The following CDKAL1 variants were observed in gnomAD, a reference collection of about 807,000 sequenced individuals.
The protein encoded by CDKAL1 is CDKAL1 threonylcarbamoyladenosine tRNA methylthiotransferase.
CDKAL1 carries 32 observed loss-of-function variants against 68.2 expected under a neutral mutation model. The ratio of observed to expected loss-of-function variants is 0.47; its 90% CI spans 0.35 to 0.63. The LOEUF is 0.63. Among genes scored for constraint, CDKAL1 ranks in the 30% least tolerant of loss-of-function variants. The probability of loss-of-function intolerance (pLI) is 0.00; values close to 1 mark genes in which losing one functional copy is unlikely to be tolerated. For missense variants in CDKAL1, 606 were observed against 696.7 expected (o/e 0.87, Z 1.47); for synonymous variants, 234 against 244.3 (o/e 0.96, Z 0.39).
intron 11 of CDKAL1, among the ~76,000 whole-genome samples, chr6:21,062,623 A>T (rs1441116858): frequency 6.6e-6 from 1 of 152,168 alleles, no homozygotes; most frequent in Non-Finnish European, 1.5e-5. Flanking sequence ...AGTCCTTGGA[A>T]TTTATCTTAC....
intron 15 of CDKAL1, among the ~76,000 whole-genome samples, chr6:21,206,359 C>G (rs535187909): frequency 6.6e-6 from 1 of 152,112 alleles, no homozygotes; most frequent in Non-Finnish European, 1.5e-5. Flanking sequence ...AGATCTGTCT[C>G]TCTTAGGAAT....
intron 12 of CDKAL1, among the ~76,000 whole-genome samples, chr6:21,090,421 C>T (rs1772937704): frequency 6.6e-6 from 1 of 152,186 alleles, no homozygotes; most frequent in South Asian, 2.1e-4. Context: ...ACCTAGCATA[C>T]ACAGTTTCTT....
At chr6:21,096,702 AT>A (rs759589442) in intron 12 of CDKAL1, among the ~76,000 whole-genome samples, 61 of 152,138 alleles carry the variant, frequency 4.0e-4, no homozygotes, top group Middle Eastern at 3.4e-3. Context: ...ATGGTAAAAA[AT>A]AAATAAATAA....
chr6:20,823,494 C>A (rs542195400), intron 8 of CDKAL1, among the ~76,000 whole-genome samples: 4 of 152,122 alleles, frequency 2.6e-5, no homozygotes, highest in Non-Finnish European at 4.4e-5. Context: ...TAGAAAACTG[C>A]CTTTCCTGTT....
intron 9 of CDKAL1, among the ~76,000 whole-genome samples, chr6:20,922,667 C>T (rs1763010936): frequency 6.6e-6 from 1 of 152,152 alleles, no homozygotes; most frequent in Non-Finnish European, 1.5e-5. Flanking sequence ...CCCAAAACAA[C>T]AATCTTCAGT....
At chr6:20,688,374 C>T (rs1230090982) in intron 5 of CDKAL1, among the ~76,000 whole-genome samples, 1 of 151,892 alleles carries the variant, frequency 6.6e-6, no homozygotes. Context: ...GTATGTTACA[C>T]CTTTTGTAAT....
intron 5 of CDKAL1, among the ~76,000 whole-genome samples, chr6:20,652,492 ATCT>A (rs1768819148): frequency 1.3e-5 from 2 of 152,084 alleles, no homozygotes; most frequent in South Asian, 4.2e-4. Flanking sequence ...ATCTCCATGG[ATCT>A]TCTTAGAAAC....
At chr6:20,964,657 G>A (rs755510790) in intron 10 of CDKAL1, among the ~76,000 whole-genome samples, 15 of 152,260 alleles carry the variant, frequency 9.9e-5, no homozygotes, top group South Asian at 2.1e-4. Flanking sequence ...CTGGGGCCAT[G>A]TGGGGTGGGA....
intron 8 of CDKAL1, among the ~76,000 whole-genome samples, chr6:20,844,464 A>G (rs1222697652): frequency 1.3e-5 from 2 of 152,114 alleles, no homozygotes; most frequent in Non-Finnish European, 2.9e-5. Flanking sequence ...GGCCTTGAGC[A>G]GGCTACTTAT....
In CDKAL1 at chr6:21,004,624, A is replaced by T. The variant is rs552827998; in HGVS notation, c.1055+4252A>T. 4.5e-4 allele frequency among the ~76,000 whole-genome samples: 68 copies of T among 152,276 alleles called. No individual in the cohort carries two copies. The Middle Eastern group carries it at 0.01, about 23-fold the overall frequency. ...AAATGGGATTTGTAGGGATAGGGGA[A>T]GAAACTATATAGAACAAAGCAAGCG... On this transcript the variant is annotated intron_variant, in intron 11 of 15. Coordinates refer to ENST00000274695, the MANE Select transcript of CDKAL1 (RefSeq NM_017774.3).
chr6:20,714,378 C>CT (rs545162371), intron 5 of CDKAL1, among the ~76,000 whole-genome samples: 1,382 of 72,674 alleles, frequency 0.019, 350 homozygotes, highest in Middle Eastern at 0.033. Context: ...ATTGTCTGTT[C>CT]TTTTTTTTTT....
At position 21,079,976 on chromosome 6, in the gene CDKAL1, C is replaced by CTGTG. The variant is rs764266426; in HGVS notation, c.1236+14778_1236+14781dup. On this transcript the variant is annotated intron_variant, in intron 12 of 15. Transcript: ENST00000274695. Reference sequence around the variant, plus strand: ...TAAGATAAGCTTATCAACTTTGTCTCTGTGTGTGTGTGTGTGTGTGTGTGT... The same window carrying CTGTG: ...TAAGATAAGCTTATCAACTTTGTCTCTGTGTGTGTGTGTGTGTGTGTGTGTGTGT... Among the ~76,000 whole-genome samples the CTGTG allele has an allele frequency of 4.2e-3, 567 of 135,836 alleles. 2 individuals carry two copies. Among genetic ancestry groups the CTGTG allele is most frequent in the African/African-American group, 7.2e-3 (261 of 36,072 alleles). The allele number at this position is 135,836 out of a possible 152,430, so 89.1% of individuals were successfully genotyped here. A position where few individuals can be genotyped will look rare whatever the true frequency, so the allele number is the denominator to read the frequency against.
chr6:21,134,414 C>T (rs564477541), intron 13 of CDKAL1, among the ~76,000 whole-genome samples: 3 of 152,274 alleles, frequency 2.0e-5, no homozygotes, highest in Admixed American at 6.5e-5. Flanking sequence ...AAAACCATAA[C>T]TTCATAAAAC....
At chr6:20,733,236 C>T (rs1384448926) in intron 5 of CDKAL1, among the ~76,000 whole-genome samples, 1 of 152,244 alleles carries the variant, frequency 6.6e-6, no homozygotes, top group Non-Finnish European at 1.5e-5. Context: ...GCCATCTCCA[C>T]ATCTCTGTTC....
chr6:21,186,336 G>T lies in CDKAL1; in HGVS notation c.1300-11685G>T, dbSNP rs1460519222. Among the ~76,000 whole-genome samples the T allele has an allele frequency of 2.6e-5, 4 of 152,026 alleles. No individual in the cohort carries two copies. In the East Asian group the frequency reaches 7.7e-4, roughly 29 times the overall value. On this transcript the variant is annotated intron_variant, in intron 13 of 15. Transcript: ENST00000274695. ...GCTGAGTTCTTTGGGGAATGGGGGG[G>T]AATGTAAGATTTATCTTACCAAAGG...
At chr6:20,570,508 C>T (rs1764656771) in intron 4 of CDKAL1, among the ~76,000 whole-genome samples, 1 of 152,138 alleles carries the variant, frequency 6.6e-6, no homozygotes, top group Non-Finnish European at 1.5e-5. Context: ...TCAAGCGATT[C>T]TCTTGCCTTG....
chr6:21,025,701 T>A (rs1195624305), intron 11 of CDKAL1, among the ~76,000 whole-genome samples: 2 of 152,156 alleles, frequency 1.3e-5, no homozygotes, highest in African/African-American at 4.8e-5. Flanking sequence ...AAATAAATAG[T>A]AGGGTGGTTT....
intron 13 of CDKAL1, among the ~76,000 whole-genome samples, chr6:21,152,929 T>G (rs187207708): frequency 1.3e-5 from 2 of 152,342 alleles, no homozygotes; most frequent in East Asian, 3.9e-4. Context: ...CATTCGACTC[T>G]TAGAGTACCA....
intron 5 of CDKAL1, among the ~76,000 whole-genome samples, chr6:20,728,605 A>G (rs1055758126): frequency 7.9e-5 from 12 of 152,186 alleles, no homozygotes; most frequent in African/African-American, 2.9e-4. Context: ...GATTTCCAGT[A>G]ATGACACTGT....
Sources: gnomAD v4.1 joint callset for allele counts (sites outside exome capture counted in the v4.1 genomes callset) on GRCh38, gnomAD v4.1.1 for gene constraint, MANE v1.5 for transcripts, NCBI Gene and HGNC (gene_info 2026-07-23, HGNC 2026-07-21) for gene names.